The following NTSR2 variants were observed in gnomAD, a reference collection of about 807,000 sequenced individuals.
NTSR2 encodes neurotensin receptor type 2.
In NTSR2, 22 loss-of-function variants were observed where a neutral mutation model predicts 24.1. The ratio of observed to expected loss-of-function variants is 0.91; its 90% CI spans 0.65 to 1.30. The LOEUF (loss-of-function observed/expected upper bound fraction) is 1.30. Among genes scored for constraint, NTSR2 ranks in the 50% most tolerant of loss-of-function variants. The probability of loss-of-function intolerance (pLI) is 0.00; values close to 1 mark genes in which losing one functional copy is unlikely to be tolerated. For synonymous variants in NTSR2, 291 were observed against 267.0 expected, an observed-to-expected ratio of 1.09 and a Z score of -0.88; for missense variants, 570 against 570.4, an observed-to-expected ratio of 1.00 and a Z score of 0.01.
intron 3 of NTSR2, among the ~76,000 whole-genome samples, chr2:11,659,798 G>A (rs563191021): frequency 6.6e-6 from 1 of 152,292 alleles, no homozygotes; most frequent in African/African-American, 2.4e-5. Context: ...TTCTCCTGTA[G>A]TGAGAATCCC....
At chr2:11,667,993 A>T (rs73915474) in intron 1 of NTSR2, among the ~76,000 whole-genome samples, 2,073 of 152,186 alleles carry the variant, frequency 0.014, 59 homozygotes, top group African/African-American at 0.047. Flanking sequence ...CAGGACAGCC[A>T]CTCCACAGAG....
chr2:11,660,185 C>T, intron 2 of NTSR2, 52 bp from the exon 3 acceptor site: 1 of 1,390,288 alleles, frequency 7.2e-7, no homozygotes, highest in Non-Finnish European at 1.0e-6. Context: ...CAAACACATT[C>T]TCAGTTACAC....
chr2:11,660,027 C>T lies in NTSR2; in HGVS notation c.989+16G>A. On this transcript the variant is annotated intron_variant, in intron 3 of 3. Transcript: ENST00000306928. ...GGCCCCCTCCCTGTGTGCTAGGGTC[C>T]TTCTGCCACACTCACTCAGTCCACG... The T allele has an allele frequency of 6.2e-7, 1 of 1,609,496 alleles. No homozygotes were observed. Among genetic ancestry groups the T allele is most frequent in the Non-Finnish European group, 8.5e-7 (1 of 1,176,206 alleles).
intron 1 of NTSR2, 46 bp downstream of exon 1, chr2:11,669,460 G>GGGCCCCCCCCCCCCCCCCCC: frequency 7.9e-6 from 2 of 254,726 alleles, no homozygotes; most frequent in Non-Finnish European, 1.4e-5. Flanking sequence ...TCCCAGCACC[G>GGGCCCCCCCCCCCCCCCCCC]CCCCCCCACC....
intron 1 of NTSR2, 53 bp downstream of exon 1, chr2:11,669,453 C>CCGCCCCGGGGGGGGGGGG: frequency 2.8e-6 from 1 of 357,012 alleles, no homozygotes; most frequent in Non-Finnish European, 5.0e-6. Context: ...TCCCTCCTCC[C>CCGCCCCGGGGGGGGGGGG]AGCACCGCCC....
chr2:11,663,118 A>C (rs1325089235), intron 1 of NTSR2, among the ~76,000 whole-genome samples: 1 of 152,254 alleles, frequency 6.6e-6, no homozygotes, highest in Non-Finnish European at 1.5e-5. Flanking sequence ...ACATGAGGAT[A>C]AAAGAAAACA....
At position 11,669,754 on chromosome 2, in the gene NTSR2, C is replaced by T. The variant is rs1449025353; in HGVS notation, c.376G>A (p.Val126Met). 6.5e-7 allele frequency: 1 copy of T among 1,538,658 alleles called. No individual in the cohort carries two copies. The highest frequency in any genetic ancestry group is 1.9e-5 in the Admixed American group (1 of 51,326). The change falls in exon 1 of 4, where the codon GTG becomes ATG. Residue 126 changes from valine to methionine, a missense_variant. Physicochemically the swap from Val to Met is conservative, Grantham distance 21. Transcript: ENST00000306928. ...CAGCGCTCGGCGCTCAGGCCTGCCA[C>T]GCTCAGCACCGTGGCGTAGGCGCAC... Reference protein sequence around the residue: ...ELCAYATVLSVAGLSAERCLA... With the variant: ...ELCAYATVLSMAGLSAERCLA...
intron 1 of NTSR2, among the ~76,000 whole-genome samples, chr2:11,668,947 C>G (rs1174683744): frequency 6.6e-6 from 1 of 152,150 alleles, no homozygotes; most frequent in East Asian, 1.9e-4. Flanking sequence ...AAGCCAGAGG[C>G]TGGGCATGGT....
chr2:11,661,460 G>A (rs1041502409), intron 2 of NTSR2, among the ~76,000 whole-genome samples: 2 of 152,120 alleles, frequency 1.3e-5, no homozygotes. Context: ...CTAGTGCCTG[G>A]GTTATGGTGG....
intron 2 of NTSR2, 96 bp from the exon 3 acceptor site, chr2:11,660,229 G>T (rs1661043373): frequency 2.2e-6 from 2 of 923,904 alleles, no homozygotes; most frequent in Admixed American, 1.9e-5. Flanking sequence ...CGAGGGGATA[G>T]CAGCATTTCC....
intron 1 of NTSR2, 47 bp downstream of exon 1, chr2:11,669,459 C>CCGGGCCGGGGGG: frequency 3.0e-6 from 1 of 337,896 alleles, no homozygotes; most frequent in Non-Finnish European, 5.3e-6. Flanking sequence ...CTCCCAGCAC[C>CCGGGCCGGGGGG]GCCCCCCCAC....
Position 11,670,018 on chromosome 2 carries a change from G to T in NTSR2, c.112C>A (p.Leu38Ile). ...RLWAKVLFTA[L>I]YALIWALGAA... Reference sequence around the variant, plus strand: ...CCCAGCGCCCAGATGAGTGCGTAGAGCGCGGTGAACAGCACCTTGGCCCAG... The same window carrying T: ...CCCAGCGCCCAGATGAGTGCGTAGATCGCGGTGAACAGCACCTTGGCCCAG... The change falls in exon 1 of 4, where the codon CTC becomes ATC. Residue 38 changes from leucine to isoleucine, a missense_variant. Leu to Ile is a conservative substitution (Grantham distance 5). Transcript: ENST00000306928. 1 of 1,517,412 alleles carries T rather than the reference G, an allele frequency of 6.6e-7. No individual in the cohort carries two copies. Among genetic ancestry groups the T allele is most frequent in the Non-Finnish European group, 8.8e-7 (1 of 1,138,244 alleles). The allele number at this position is 1,517,412 out of a possible 1,614,324, so 94.0% of individuals were successfully genotyped here.
intron 1 of NTSR2, 45 bp downstream of exon 1, chr2:11,669,455 GCACCGC>G: frequency 2.9e-6 from 1 of 343,438 alleles, no homozygotes. Flanking sequence ...CCTCCTCCCA[GCACCGC>G]CCCCCCACCC....
At chr2:11,659,404 C>T (rs1183701944) in intron 3 of NTSR2, among the ~76,000 whole-genome samples, 1 of 152,250 alleles carries the variant, frequency 6.6e-6, no homozygotes, top group East Asian at 1.9e-4. Flanking sequence ...GCTGCAGGTT[C>T]TCTGCAGTGG....
intron 1 of NTSR2, 47 bp downstream of exon 1, chr2:11,669,459 C>CCGGGGG: frequency 1.4e-4 from 47 of 337,826 alleles, no homozygotes; most frequent in East Asian, 1.7e-4. Context: ...CTCCCAGCAC[C>CCGGGGG]GCCCCCCCAC....
At chr2:11,660,748 A>G (rs1287145673) in intron 2 of NTSR2, among the ~76,000 whole-genome samples, 3 of 152,128 alleles carry the variant, frequency 2.0e-5, no homozygotes, top group East Asian at 3.9e-4. Context: ...CTCAAAAAGA[A>G]AAAAAAAGTG....
At chr2:11,667,691 CAAATA>C (rs1281793059) in intron 1 of NTSR2, among the ~76,000 whole-genome samples, 1 of 152,142 alleles carries the variant, frequency 6.6e-6, no homozygotes, top group African/African-American at 2.4e-5. Flanking sequence ...AACAAGGAAA[CAAATA>C]AATACATCTT....
chr2:11,660,974 C>G (rs79776214), intron 2 of NTSR2, among the ~76,000 whole-genome samples: 4 of 152,128 alleles, frequency 2.6e-5, no homozygotes, highest in African/African-American at 4.8e-5. Context: ...AGACTCTTAC[C>G]GCCTCTGTAC....
chr2:11,661,997 G>A lies in NTSR2; in HGVS notation c.868C>T (p.Arg290Cys), dbSNP rs1273279104. Residue 290 changes from arginine (R) to cysteine (C), a missense_variant, in exon 2 of 4, where the codon CGC (arginine) becomes TGC (cysteine). Arg to Cys is a radical substitution (Grantham distance 180). Coordinates refer to ENST00000306928, the MANE Select transcript of NTSR2 (RefSeq NM_012344.4). ...LVRHKDVRRI[R>C]SLQRSVQVLR... ...ACCTGGACGCTGCGCTGGAGGCTGC[G>A]GATCCGGCGCACGTCTTTATGTCTC... is the stretch of plus-strand genomic sequence containing the variant. 8.1e-6 allele frequency: 13 copies of A among 1,609,250 alleles called. No homozygotes were observed. Among genetic ancestry groups the A allele is most frequent in the Admixed American group, 1.7e-5 (1 of 59,366 alleles).
Sources: allele counts gnomAD v4.1 joint callset (sites outside exome capture counted in the v4.1 genomes callset), GRCh38; gene constraint gnomAD v4.1.1; transcripts MANE v1.5; gene names NCBI Gene and HGNC (gene_info 2026-07-23, HGNC 2026-07-21).